MACROD2: variants seen among roughly 807,000 people sequenced by gnomAD.
MACROD2 encodes the protein mono-ADP ribosylhydrolase 2.
A neutral mutation model predicts 70.4 loss-of-function variants in MACROD2; 36 were observed. The ratio of observed to expected loss-of-function variants is 0.51; its 90% CI spans 0.39 to 0.68. MACROD2 has a LOEUF of 0.68. Ranked by LOEUF, MACROD2 falls within the 30% of genes least tolerant of loss-of-function variation. MACROD2 has a pLI of 0.00. For synonymous variants in MACROD2, 172 were observed against 178.8 expected (o/e 0.96, Z 0.30); for missense variants, 496 against 538.4 (o/e 0.92, Z 0.78).
At chr20:16,015,494 C>T (rs546414723) in intron 15 of MACROD2, among the ~76,000 whole-genome samples, 1 of 152,084 alleles carries the variant, frequency 6.6e-6, no homozygotes, top group Non-Finnish European at 1.5e-5. Flanking sequence ...TACAGAATTT[C>T]CCTGGATATG....
At chr20:15,601,824 C>T (rs1291346677) in intron 8 of MACROD2, among the ~76,000 whole-genome samples, 8 of 152,022 alleles carry the variant, frequency 5.3e-5, no homozygotes, top group Admixed American at 5.2e-4. Flanking sequence ...GTCAGGAGAT[C>T]GAGACCATCC....
intron 4 of MACROD2, among the ~76,000 whole-genome samples, chr20:14,556,899 C>A (rs1332894866): frequency 6.6e-6 from 1 of 151,822 alleles, no homozygotes; most frequent in Non-Finnish European, 1.5e-5. Context: ...TATGGAAATG[C>A]AAGGGACCCA....
chr20:15,190,055 T>G (rs1035916196), intron 5 of MACROD2, among the ~76,000 whole-genome samples: 1 of 152,190 alleles, frequency 6.6e-6, no homozygotes, highest in African/African-American at 2.4e-5. Context: ...CTCTTCAACT[T>G]GTTTTGACTT....
chr20:14,284,239 C>T (rs766600484), intron 3 of MACROD2, among the ~76,000 whole-genome samples: 4 of 152,166 alleles, frequency 2.6e-5, no homozygotes, highest in Non-Finnish European at 4.4e-5. Context: ...TAGAAAACTG[C>T]AGCTTGATTG....
intron 6 of MACROD2, among the ~76,000 whole-genome samples, chr20:15,349,351 C>G (rs973458135): frequency 2.6e-5 from 4 of 152,130 alleles, no homozygotes; most frequent in African/African-American, 9.7e-5. Flanking sequence ...GTGTTATTAC[C>G]TAGGTAAGCT....
At chr20:14,166,549 C>T (rs1030781113) in intron 3 of MACROD2, among the ~76,000 whole-genome samples, 2 of 152,218 alleles carry the variant, frequency 1.3e-5, no homozygotes, top group South Asian at 4.1e-4. Flanking sequence ...AACTGAGCTC[C>T]AATTCTAATA....
intron 5 of MACROD2, among the ~76,000 whole-genome samples, chr20:14,814,949 A>G (rs988242445): frequency 1.3e-4 from 20 of 151,152 alleles, no homozygotes; most frequent in African/African-American, 4.9e-4. Context: ...GAATGAATGA[A>G]TGAGTGAATG....
At chr20:14,965,758 G>A (rs957035419) in intron 5 of MACROD2, among the ~76,000 whole-genome samples, 6 of 151,892 alleles carry the variant, frequency 4.0e-5, no homozygotes, top group East Asian at 1.9e-4. Flanking sequence ...GTGAGCCACC[G>A]CACCTGGCCT....
intron 8 of MACROD2, among the ~76,000 whole-genome samples, chr20:15,641,383 T>A (rs1342893986): frequency 6.6e-6 from 1 of 152,144 alleles, no homozygotes; most frequent in Non-Finnish European, 1.5e-5. Flanking sequence ...AAATAAATAG[T>A]GTAGATTAGT....
At chr20:14,142,563 T>C (rs1444139905) in intron 3 of MACROD2, among the ~76,000 whole-genome samples, 2 of 152,218 alleles carry the variant, frequency 1.3e-5, no homozygotes, top group East Asian at 1.9e-4. Flanking sequence ...TCAAGCATTA[T>C]GAAGCTGCCA....
chr20:14,274,382 G>A (rs973668883), intron 3 of MACROD2, among the ~76,000 whole-genome samples: 5 of 152,030 alleles, frequency 3.3e-5, no homozygotes, highest in South Asian at 2.1e-4. Context: ...TAAACAGAAC[G>A]AAAGACAAAA....
chr20:15,780,890 T>C (rs559158926), intron 8 of MACROD2, among the ~76,000 whole-genome samples: 2 of 152,058 alleles, frequency 1.3e-5, no homozygotes, highest in African/African-American at 4.8e-5. Context: ...TGTGGGTAGA[T>C]GGTGACATTA....
At chr20:14,575,759 T>G (rs539909250) in intron 4 of MACROD2, among the ~76,000 whole-genome samples, 32 of 152,304 alleles carry the variant, frequency 2.1e-4, no homozygotes, top group African/African-American at 7.7e-4. Context: ...CTTAGAGCTT[T>G]ATTTGGATGA....
chr20:15,805,635 C>A (rs1040878098), intron 8 of MACROD2, among the ~76,000 whole-genome samples: 7 of 152,212 alleles, frequency 4.6e-5, no homozygotes, highest in African/African-American at 1.7e-4. Flanking sequence ...TGCCACCACG[C>A]CCAGCTAATT....
intron 4 of MACROD2, among the ~76,000 whole-genome samples, chr20:14,521,092 C>G (rs1400939147): frequency 1.3e-5 from 2 of 152,194 alleles, no homozygotes; most frequent in Non-Finnish European, 2.9e-5. Flanking sequence ...AGTGCATTGG[C>G]TACCTCTATT....
intron 4 of MACROD2, among the ~76,000 whole-genome samples, chr20:14,664,961 C>T (rs138011618): frequency 6.6e-6 from 1 of 152,200 alleles, no homozygotes; most frequent in Non-Finnish European, 1.5e-5. Flanking sequence ...CAAATGGTTA[C>T]TAGCATGGCT....
intron 5 of MACROD2, among the ~76,000 whole-genome samples, chr20:15,124,558 A>C (rs1435952360): frequency 1.3e-5 from 2 of 152,046 alleles, no homozygotes; most frequent in African/African-American, 2.4e-5. Context: ...GAAAACACTC[A>C]ATAATAAGCT....
intron 4 of MACROD2, among the ~76,000 whole-genome samples, chr20:14,594,855 G>A (rs1022934533): frequency 2.0e-5 from 3 of 152,194 alleles, no homozygotes; most frequent in African/African-American, 7.2e-5. Context: ...TTGCACCACT[G>A]CACTCCAGCC....
At chr20:15,460,989 T>TATATAC (rs1221436758) in intron 7 of MACROD2, among the ~76,000 whole-genome samples, 9 of 79,602 alleles carry the variant, frequency 1.1e-4, no homozygotes, top group African/African-American at 4.6e-4. Flanking sequence ...TATATATATA[T>TATATAC]ATATATATAT....
Sources: gnomAD v4.1 joint callset for allele counts (sites outside exome capture counted in the v4.1 genomes callset) on GRCh38, gnomAD v4.1.1 for gene constraint, MANE v1.5 for transcripts, NCBI Gene and HGNC (gene_info 2026-07-23, HGNC 2026-07-21) for gene names.